The following SGSH variants were observed in gnomAD, a reference collection of about 807,000 sequenced individuals.
The protein encoded by SGSH is heparan sulfate sulfatase.
In SGSH, 48 loss-of-function variants were observed where a neutral mutation model predicts 51.0. That is an observed-to-expected ratio of 0.94 (90% CI 0.75 to 1.20). The LOEUF (loss-of-function observed/expected upper bound fraction) is 1.20. Ranked by LOEUF, SGSH falls within the 50% of genes most tolerant of loss-of-function variation. The pLI, the probability that SGSH is intolerant of heterozygous loss-of-function variation, is 0.00. For synonymous variants in SGSH, 321 were observed against 313.4 expected, an observed-to-expected ratio of 1.02 and a Z score of -0.26; for missense variants, 662 against 717.8, an observed-to-expected ratio of 0.92 and a Z score of 0.89.
At chr17:80,206,018 C>CTGCAT (rs2041281648), downstream of SGSH, 2 of 182,332 alleles carry the variant, frequency 1.1e-5, no homozygotes, top group Non-Finnish European at 2.3e-5. Flanking sequence ...GCACGGGAAG[C>CTGCAT]CGAGTCTGGC....
chr17:80,218,242 G>A (rs928428811), intron 1 of SGSH, among the ~76,000 whole-genome samples: 4 of 152,240 alleles, frequency 2.6e-5, no homozygotes, highest in Admixed American at 1.3e-4. Context: ...GCGTCCCACC[G>A]CTGCTTCTCA....
chr17:80,211,926 G>C, intron 7 of SGSH, 145 bp downstream of exon 7: 1 of 720,092 alleles, frequency 1.4e-6, no homozygotes, highest in Non-Finnish European at 2.5e-6. Context: ...CTTTTCCTCT[G>C]TAGAGTGGGA....
chr17:80,210,179 TG>T lies in SGSH; in HGVS notation c.*272del, dbSNP rs2041576260. The stretch of plus-strand genomic sequence containing the variant: ...CCACGTATGTCTAGAATTCCCGTGC[TG>T]GGACATGGTTCAGACACAAGGACAA... On this transcript the variant is annotated 3_prime_UTR_variant, in exon 8 of 8. Transcript: ENST00000326317. 13 of 1,376,234 alleles carry T rather than the reference TG, an allele frequency of 9.4e-6. No homozygotes were observed. The African/African-American group carries it at 1.5e-4, about 15-fold the overall frequency. 85.3% of individuals were successfully genotyped at this position (1,376,234 alleles called of 1,614,324 possible).
rs367654527 is a variant in SGSH at position 80,213,829 on chromosome 17, G to A, written c.720C>T (p.Tyr240=). Residue 240 remains tyrosine, a synonymous_variant, in exon 6 of 8, where the codon TAC becomes TAT. Transcript: ENST00000326317. The surrounding 1 kb of genome is among the most constrained non-coding windows in gnomAD (Gnocchi z 4.6). ...CTTGGTCCATGCGGCCGACGGTGGT[G>A]TACTGAGCGGCCAGGTCGGCTCGGG... ...PAARADLAAQ[Y]TTVGRMDQGV... is the part of the protein sequence containing the mutation. 8.7e-6 allele frequency: 14 copies of A among 1,607,742 alleles called. No homozygotes were observed. In the African/African-American group the frequency reaches 1.6e-4, roughly 18 times the overall value.
chr17:80,210,228 A>T lies in SGSH; in HGVS notation c.*224T>A. 1 of 1,422,404 alleles carries T rather than the reference A, an allele frequency of 7.0e-7. No individual in the cohort carries two copies. The highest frequency in any genetic ancestry group is 9.2e-7 in the Non-Finnish European group (1 of 1,092,182). 88.1% of individuals were successfully genotyped at this position (1,422,404 alleles called of 1,614,324 possible). On this transcript the variant is annotated 3_prime_UTR_variant, in exon 8 of 8. Coordinates refer to ENST00000326317, the MANE Select transcript of SGSH (RefSeq NM_000199.5). The stretch of plus-strand genomic sequence containing the variant: ...CAACTGTGTCCCCTGCCATGACGGC[A>T]GTGCCCCTGGTGGTGGAGGGGCTGG...
At position 80,213,621 on chromosome 17, in the gene SGSH, C is replaced by G. The variant is rs898470906; in HGVS notation, c.745+183G>C. On this transcript the variant is annotated intron_variant, in intron 6 of 7. Transcript: ENST00000326317. The surrounding 1 kb of genome is among the most constrained non-coding windows in gnomAD (Gnocchi z 4.6). ...GAGCAGGTCCACATCAGGGCAGCCC[C>G]GGGGTTGGGTCCTGATGCCACCCAC... 7.9e-6 allele frequency: 5 copies of G among 629,948 alleles called. No individual in the cohort carries two copies. The highest frequency in any genetic ancestry group is 1.1e-5 in the Non-Finnish European group (4 of 355,628). 39.0% of individuals were successfully genotyped at this position (629,948 alleles called of 1,614,324 possible). A position where few individuals can be genotyped will look rare whatever the true frequency, so the allele number is the denominator to read the frequency against.
chr17:80,204,123 G>C, downstream of SGSH: 8 of 1,135,358 alleles, frequency 7.0e-6, no homozygotes, highest in Non-Finnish European at 1.0e-5. Flanking sequence ...CTGCGCCTCT[G>C]CATCACTCCC....
At chr17:80,202,405 T>G (rs781185886), downstream of SGSH, 8 of 1,611,818 alleles carry the variant, frequency 5.0e-6, no homozygotes, top group Non-Finnish European at 6.8e-6. Flanking sequence ...CACGGCACCA[T>G]CCCCAACTAC....
chr17:80,217,218 G>A (rs1248964187), intron 1 of SGSH, 26 bp from the exon 2 acceptor site: 113 of 1,588,760 alleles, frequency 7.1e-5, no homozygotes, highest in Non-Finnish European at 8.6e-5. Context: ...GACAGAGAGT[G>A]CACGGTCGGC....
rs186827026 is a variant in SGSH, at chr17:80,211,104, C to T, written c.950-93G>A. 7.2e-4 allele frequency: 1,122 copies of T among 1,553,190 alleles called. 7 individuals are homozygous for T. Among genetic ancestry groups the T allele is most frequent in the Middle Eastern group, 6.3e-3 (31 of 4,934 alleles). On this transcript the variant is annotated intron_variant, in intron 7 of 7. Transcript: ENST00000326317. ...GAACCTACGCCACTCTGGGCGGCTC[C>T]CTTCTCCAATCCAATCAGCAGCGGG...
chr17:80,212,267 T>G lies in SGSH; in HGVS notation c.753A>C (p.Gly251=). The G allele has an allele frequency of 6.2e-7, 1 of 1,607,682 alleles. No individual in the cohort carries two copies. The highest frequency in any genetic ancestry group is 1.1e-5 in the South Asian group (1 of 90,202). The change falls in exon 7 of 8, where the codon GGA becomes GGC. Residue 251 remains glycine (G), a synonymous_variant. Coordinates refer to ENST00000326317, the MANE Select transcript of SGSH (RefSeq NM_000199.5). The surrounding 1 kb of genome is among the most constrained non-coding windows in gnomAD (Gnocchi z 5.9). ...CGTCACGCAGCTCCTGGAGCACCAG[T>G]CCAACTCCTGTGGTGAGGGGCCGAG... ...TTVGRMDQGV[G]LVLQELRDAG... is the part of the protein sequence containing the mutation.
In SGSH at chr17:80,215,118, C is replaced by CCCGT. The variant is rs1198852609; in HGVS notation, c.266_269dup (p.Leu91ArgfsTer46). 1 of 1,611,626 alleles carries CCCGT rather than the reference C, an allele frequency of 6.2e-7. No homozygotes were observed. The highest frequency in any genetic ancestry group is 1.7e-5 in the Admixed American group (1 of 60,014). On this transcript the variant is annotated frameshift_variant, in exon 3 of 8. Transcript: ENST00000326317. LOFTEE classifies it high-confidence loss of function. The stretch of plus-strand genomic sequence containing the variant: ...TGAAGTGGTGCACGTCCTGGTGCAG[C>CCCGT]CCGTACATCCCATTCTGATGCTGCC...
At chr17:80,205,079 C>T, downstream of SGSH, 9 of 1,612,228 alleles carry the variant, frequency 5.6e-6, no homozygotes, top group Non-Finnish European at 6.8e-6. Flanking sequence ...CACCCTGGTG[C>T]CCTATACCCT....
Position 80,210,693 on chromosome 17 carries a change from C to G in SGSH, c.1268G>C (p.Trp423Ser), listed in dbSNP as rs886053559. The G allele has an allele frequency of 6.2e-7, 1 of 1,614,062 alleles. No homozygotes were observed. The highest frequency in any genetic ancestry group is 1.1e-5 in the South Asian group (1 of 91,084). Residue 423 changes from tryptophan (W) to serine (S), a missense_variant, in exon 8 of 8, where the codon TGG becomes TCG. Transcript: ENST00000326317. ...GTAGTAATGACGGAGGTCCTTGTAC[C>G]AGCCCGTGGGCTGACCAGCTGTGGT... ...NRTTAGQPTG[W>S]YKDLRHYYYR...
downstream of SGSH, chr17:80,204,999 C>G (rs377564839): frequency 2.8e-4 from 426 of 1,508,036 alleles, 2 homozygotes; most frequent in African/African-American, 5.2e-3. Flanking sequence ...GGGGCTGCCG[C>G]AGCCTCACCC....
chr17:80,204,819 G>C, downstream of SGSH: 1 of 507,100 alleles, frequency 2.0e-6, no homozygotes, highest in South Asian at 3.4e-5. Flanking sequence ...AGTCCCTGGA[G>C]AGCCACAGAG....
At chr17:80,220,184 G>A in intron 1 of SGSH, 42 bp downstream of exon 1, 2 of 1,448,784 alleles carry the variant, frequency 1.4e-6, no homozygotes, top group South Asian at 2.6e-5. Flanking sequence ...CACTTCCCCG[G>A]GCCACCGCAG....
At chr17:80,215,272 CAG>C (rs2041848398) in intron 2 of SGSH, 134 bp from the exon 3 acceptor site, 1 of 703,874 alleles carries the variant, frequency 1.4e-6, no homozygotes, top group Admixed American at 2.0e-5. Context: ...GGCCAGCACC[CAG>C]AGACACTGGC....
At position 80,219,459 on chromosome 17, in the gene SGSH, C is replaced by T. The variant is rs544173650; in HGVS notation, c.88+767G>A. Among the ~76,000 whole-genome samples, 78 of 152,370 alleles carry T rather than the reference C, an allele frequency of 5.1e-4. 1 individual carries two copies. The highest frequency in any genetic ancestry group is 1.8e-3 in the African/African-American group (75 of 41,586). On this transcript the variant is annotated intron_variant, in intron 1 of 7. Coordinates refer to ENST00000326317, the MANE Select transcript of SGSH (RefSeq NM_000199.5). ...GACAGCCTCCTGTAGGAATTCTGAT[C>T]CGCAGGTGAGGGTCCATGCAGATTC...
Sources: allele counts gnomAD v4.1 joint callset (sites outside exome capture counted in the v4.1 genomes callset), GRCh38; gene constraint gnomAD v4.1.1; non-coding constraint Gnocchi (gnomAD v3.1); transcripts MANE v1.5; gene names NCBI Gene and HGNC (gene_info 2026-07-23, HGNC 2026-07-21).